Variants in PABPC4L observed in about 807,000 individuals in gnomAD.
PABPC4L encodes polyadenylate-binding protein 4-like.
For synonymous variants in PABPC4L, 169 were observed against 164.1 expected, an observed-to-expected ratio of 1.03 and a Z score of -0.23; for missense variants, 452 against 451.4, an observed-to-expected ratio of 1.00 and a Z score of -0.01.
chr4:134,091,551 C>G, the PABPC4L span, among the ~76,000 whole-genome samples: 1 of 151,876 alleles, frequency 6.6e-6, no homozygotes, highest in African/African-American at 2.4e-5. Flanking sequence ...AGGTAGTAGG[C>G]ATTTTGCCCT....
the PABPC4L span, among the ~76,000 whole-genome samples, chr4:134,079,643 A>G: frequency 6.7e-6 from 1 of 148,638 alleles, no homozygotes; most frequent in Non-Finnish European, 1.5e-5. Context: ...TAGTAAGAAT[A>G]CAAGGATGTG....
the PABPC4L span, among the ~76,000 whole-genome samples, chr4:134,121,973 T>C: frequency 3.3e-4 from 50 of 151,966 alleles, no homozygotes; most frequent in Admixed American, 3.0e-3. Flanking sequence ...TTGGCTTCCA[T>C]ACCCTGTCTT....
the PABPC4L span, among the ~76,000 whole-genome samples, chr4:134,028,888 G>A: frequency 6.6e-6 from 1 of 152,018 alleles, no homozygotes. Context: ...AATTATTTTT[G>A]TCACTATTTC....
At chr4:133,981,260 C>A in the PABPC4L span, among the ~76,000 whole-genome samples, 1 of 152,074 alleles carries the variant, frequency 6.6e-6, no homozygotes, top group African/African-American at 2.4e-5. Flanking sequence ...TTTTAGGCAA[C>A]CCTCAATTAG....
chr4:134,129,866 G>C, the PABPC4L span, among the ~76,000 whole-genome samples: 1 of 151,788 alleles, frequency 6.6e-6, no homozygotes, highest in Admixed American at 6.6e-5. Flanking sequence ...TCAGGAGTTT[G>C]AGACCAGCCT....
chr4:134,122,852 A>G, the PABPC4L span, among the ~76,000 whole-genome samples: 5 of 151,650 alleles, frequency 3.3e-5, no homozygotes, highest in African/African-American at 1.2e-4. Flanking sequence ...TTATAGTTTA[A>G]GGTGTTTTGT....
chr4:134,164,262 C>CAAAAAAAA, the PABPC4L span, among the ~76,000 whole-genome samples: 17 of 34,180 alleles, frequency 5.0e-4, 1 homozygote, highest in African/African-American at 5.4e-4. Flanking sequence ...GACTCCGTCT[C>CAAAAAAAA]AAAAAAAAAA....
chr4:134,097,019 T>C, the PABPC4L span, among the ~76,000 whole-genome samples: 1 of 151,952 alleles, frequency 6.6e-6, no homozygotes, highest in South Asian at 2.1e-4. Context: ...CTCATGTTGT[T>C]CAATGGGAAC....
At chr4:134,080,045 A>G in the PABPC4L span, among the ~76,000 whole-genome samples, 2 of 152,052 alleles carry the variant, frequency 1.3e-5, no homozygotes, top group Admixed American at 6.6e-5. Context: ...TGCTTTAAAT[A>G]TTGGAATGAG....
the PABPC4L span, among the ~76,000 whole-genome samples, chr4:134,073,145 C>G: frequency 6.6e-6 from 1 of 152,186 alleles, no homozygotes; most frequent in East Asian, 1.9e-4. Flanking sequence ...TCCAAAGTCC[C>G]ATATAAGACA....
the PABPC4L span, among the ~76,000 whole-genome samples, chr4:134,011,244 G>A: frequency 1.2e-4 from 18 of 152,012 alleles, no homozygotes; most frequent in African/African-American, 4.3e-4. Context: ...AAAATAAGTA[G>A]CATCAGCTTC....
chr4:133,959,264 G>GA, the PABPC4L span, among the ~76,000 whole-genome samples: 479 of 152,206 alleles, frequency 3.1e-3, 3 homozygotes, highest in Middle Eastern at 6.8e-3. Context: ...CCTAACAGGT[G>GA]AAAAAATACA....
the PABPC4L span, among the ~76,000 whole-genome samples, chr4:134,140,514 G>A: frequency 6.6e-6 from 1 of 151,762 alleles, no homozygotes; most frequent in African/African-American, 2.4e-5. Flanking sequence ...AGGATGGTGT[G>A]TAGCACACGA....
At chr4:134,161,205 T>A in the PABPC4L span, among the ~76,000 whole-genome samples, 1 of 150,818 alleles carries the variant, frequency 6.6e-6, no homozygotes, top group Non-Finnish European at 1.5e-5. Context: ...AAAGAATTAG[T>A]AAGCTTAAAT....
At chr4:134,082,997 A>T in the PABPC4L span, among the ~76,000 whole-genome samples, 1 of 152,180 alleles carries the variant, frequency 6.6e-6, no homozygotes, top group Admixed American at 6.6e-5. Flanking sequence ...GACCATCACC[A>T]TAGATTATAC....
At chr4:134,172,251 A>C in the PABPC4L span, among the ~76,000 whole-genome samples, 3 of 152,160 alleles carry the variant, frequency 2.0e-5, no homozygotes, top group Admixed American at 6.5e-5. Context: ...ACAGCACGTC[A>C]CCCAATTTCA....
chr4:134,034,049 A>G, the PABPC4L span, among the ~76,000 whole-genome samples: 14 of 152,042 alleles, frequency 9.2e-5, no homozygotes, highest in South Asian at 4.2e-4. Context: ...GTTTCAAGGG[A>G]CAGATTAACT....
chr4:134,076,992 A>G, the PABPC4L span, among the ~76,000 whole-genome samples: 1 of 152,162 alleles, frequency 6.6e-6, no homozygotes, highest in African/African-American at 2.4e-5. Flanking sequence ...GAACATTTTT[A>G]TAGCATGAAT....
chr4:134,200,539 GTTTT>G lies in PABPC4L; in HGVS notation c.477_480del (p.Lys160TyrfsTer34). 6.4e-7 allele frequency: 1 copy of G among 1,551,610 alleles called. No individual in the cohort carries two copies. Among genetic ancestry groups the G allele is most frequent in the South Asian group, 1.2e-5 (1 of 84,064 alleles). ...ACAAACACCTTGCAGCCCTTGAGTA[GTTTT>G]CCATTCATCTCCTCAATGGCCCTGT... On this transcript the variant is annotated frameshift_variant, in exon 2 of 2. Transcript: ENST00000421491. LOFTEE classifies it low-confidence loss of function (END_TRUNC).
Sources: gnomAD v4.1 joint callset for allele counts (sites outside exome capture counted in the v4.1 genomes callset) on GRCh38, gnomAD v4.1.1 for gene constraint, MANE v1.5 for transcripts, NCBI Gene and HGNC (gene_info 2026-07-23, HGNC 2026-07-21) for gene names.